Variants in ZFHX3 observed in about 807,000 individuals in gnomAD.
The protein encoded by ZFHX3 is zinc finger homeobox protein 3.
ZFHX3 carries 42 observed loss-of-function variants against 279.1 expected under a neutral mutation model. That is an observed-to-expected ratio of 0.15 (90% confidence interval 0.12 to 0.19). The LOEUF (loss-of-function observed/expected upper bound fraction) is 0.19, where lower values mean the gene tolerates loss of function less well. ZFHX3 is among the 10% of genes least tolerant of loss of function. The pLI is 1.00. For synonymous variants in ZFHX3, 2,293 were observed against 1,957.8 expected, an observed-to-expected ratio of 1.17 and a Z score of -4.52; for missense variants, 4,981 against 4,754.0, an observed-to-expected ratio of 1.05 and a Z score of -1.40.
chr16:73,879,742 G>A (rs1299811905), intron 1 of ZFHX3, among the ~76,000 whole-genome samples: 2 of 152,112 alleles, frequency 1.3e-5, no homozygotes, highest in African/African-American at 4.8e-5. Flanking sequence ...AGCCTCCACA[G>A]TGTTGACATT....
intron 2 of ZFHX3, among the ~76,000 whole-genome samples, chr16:73,646,987 C>A (rs972953810): frequency 1.3e-5 from 2 of 148,720 alleles, no homozygotes; most frequent in Non-Finnish European, 3.0e-5. Flanking sequence ...CGAATTAGGA[C>A]AAATGGCAGT....
intron 2 of ZFHX3, among the ~76,000 whole-genome samples, chr16:73,567,089 TCCTCCCACCTCAG>T (rs2020462602): frequency 6.6e-6 from 1 of 152,088 alleles, no homozygotes; most frequent in Non-Finnish European, 1.5e-5. Flanking sequence ...GCTCAGACGA[TCCTCCCACCTCAG>T]CCTCCCAAAG....
intron 3 of ZFHX3, among the ~76,000 whole-genome samples, chr16:73,435,518 T>C (rs1343825758): frequency 1.3e-5 from 2 of 152,102 alleles, no homozygotes; most frequent in African/African-American, 2.4e-5. Flanking sequence ...CCCAATTCAT[T>C]CTTTGTGGTG....
At chr16:73,641,164 A>G (rs1023338436) in intron 2 of ZFHX3, among the ~76,000 whole-genome samples, 7 of 152,212 alleles carry the variant, frequency 4.6e-5, no homozygotes, top group African/African-American at 1.7e-4. Flanking sequence ...TTACCTCCCA[A>G]CACGTGTTTT....
At chr16:73,171,010 T>C (rs551507605) in intron 5 of ZFHX3, among the ~76,000 whole-genome samples, 32 of 152,254 alleles carry the variant, frequency 2.1e-4, no homozygotes, top group Admixed American at 1.6e-3. Flanking sequence ...CAGAATGCGG[T>C]GGAACCTGTT....
intron 3 of ZFHX3, among the ~76,000 whole-genome samples, chr16:72,905,630 C>T (rs1456645461): frequency 1.3e-5 from 2 of 152,026 alleles, no homozygotes; most frequent in Non-Finnish European, 2.9e-5. Context: ...TACATGTGTG[C>T]GGGCAGTGTT....
At chr16:73,550,544 A>G (rs2020188501) in intron 2 of ZFHX3, among the ~76,000 whole-genome samples, 1 of 152,196 alleles carries the variant, frequency 6.6e-6, no homozygotes, top group Admixed American at 6.5e-5. Context: ...CCAGCGTCAA[A>G]GGGAGAAAAA....
chr16:73,167,878 T>C (rs1172570233), intron 5 of ZFHX3, among the ~76,000 whole-genome samples: 1 of 152,234 alleles, frequency 6.6e-6, no homozygotes, highest in Non-Finnish European at 1.5e-5. Context: ...CCCAGTCTAA[T>C]GTGAATGGTT....
At chr16:73,027,635 G>A (rs1170237521) in intron 1 of ZFHX3, among the ~76,000 whole-genome samples, 7 of 152,106 alleles carry the variant, frequency 4.6e-5, no homozygotes, top group African/African-American at 1.7e-4. Flanking sequence ...ACAGCGTTAG[G>A]GAAAATGACA....
intron 1 of ZFHX3, among the ~76,000 whole-genome samples, chr16:73,020,679 A>G (rs1425939545): frequency 6.6e-6 from 1 of 152,196 alleles, no homozygotes; most frequent in African/African-American, 2.4e-5. Flanking sequence ...GTTTGACTCA[A>G]CGATTCTTCA....
intron 6 of ZFHX3, among the ~76,000 whole-genome samples, chr16:73,136,455 G>C (rs929597212): frequency 1.3e-5 from 2 of 151,904 alleles, no homozygotes; most frequent in Non-Finnish European, 2.9e-5. Flanking sequence ...CGGGAGCGGT[G>C]GCTCATGCCT....
chr16:73,138,802 C>A (rs1966836495), intron 6 of ZFHX3, among the ~76,000 whole-genome samples: 2 of 152,188 alleles, frequency 1.3e-5, no homozygotes, highest in African/African-American at 4.8e-5. Flanking sequence ...ATCCTCCCAC[C>A]TCAGCCTCCC....
chr16:73,041,857 T>C (rs995854404), intron 1 of ZFHX3, among the ~76,000 whole-genome samples: 5 of 152,242 alleles, frequency 3.3e-5, no homozygotes, highest in African/African-American at 4.8e-5. Context: ...AAGAGCATTT[T>C]AGGAAGCAGG....
At chr16:72,799,952 GA>G in intron 8 of ZFHX3, 74 bp downstream of exon 8, 2 of 1,386,066 alleles carry the variant, frequency 1.4e-6, no homozygotes, top group Non-Finnish European at 2.1e-6. Context: ...AAGAATTCCT[GA>G]AAACCTTTCT....
intron 4 of ZFHX3, among the ~76,000 whole-genome samples, chr16:72,876,009 G>A (rs963157837): frequency 6.6e-6 from 1 of 152,116 alleles, no homozygotes. Flanking sequence ...AAGGGAAAAC[G>A]AGCCTAAAAT....
At chr16:72,854,938 T>TGGGGGGGGGG (rs373623618) in intron 4 of ZFHX3, among the ~76,000 whole-genome samples, 2 of 73,906 alleles carry the variant, frequency 2.7e-5, no homozygotes, top group Non-Finnish European at 2.5e-5. Context: ...AATTGGTGGG[T>TGGGGGGGGGG]GGGGGGGGGG....
At chr16:72,920,130 C>G (rs1034205328) in intron 3 of ZFHX3, among the ~76,000 whole-genome samples, 2 of 151,822 alleles carry the variant, frequency 1.3e-5, no homozygotes, top group African/African-American at 4.8e-5. Flanking sequence ...CTGTAAGCCA[C>G]AAGAACATGC....
At chr16:73,104,324 G>A (rs926867689) in intron 7 of ZFHX3, among the ~76,000 whole-genome samples, 13 of 152,208 alleles carry the variant, frequency 8.5e-5, no homozygotes, top group Middle Eastern at 3.4e-3. Context: ...TCCACCTCCT[G>A]GGCTCAAGTG....
chr16:73,406,463 T>G (rs1171067829), intron 3 of ZFHX3, among the ~76,000 whole-genome samples: 1 of 152,250 alleles, frequency 6.6e-6, no homozygotes, highest in Non-Finnish European at 1.5e-5. Flanking sequence ...TTCTGCTTCT[T>G]TACTATTTGA....
Sources: allele counts gnomAD v4.1 joint callset (sites outside exome capture counted in the v4.1 genomes callset), GRCh38; gene constraint gnomAD v4.1.1; transcripts MANE v1.5; gene names NCBI Gene and HGNC (gene_info 2026-07-23, HGNC 2026-07-21).